FOXP2: variants seen among roughly 807,000 people sequenced by gnomAD.
The protein encoded by FOXP2 is forkhead box P2.
FOXP2 carries 12 observed loss-of-function variants against 115.8 expected under a neutral mutation model. That is an observed-to-expected ratio of 0.10 (90% CI 0.07 to 0.17). FOXP2 has a LOEUF of 0.17. FOXP2 is among the 10% of genes least tolerant of loss of function. The pLI is 1.00. For synonymous variants in FOXP2, 328 were observed against 297.7 expected (o/e 1.10, Z -1.05); for missense variants, 629 against 843.5 (o/e 0.75, Z 3.15).
At chr7:114,440,785 T>C (rs1794563474) in intron 2 of FOXP2, among the ~76,000 whole-genome samples, 3 of 152,172 alleles carry the variant, frequency 2.0e-5, no homozygotes, top group African/African-American at 7.2e-5. Context: ...TTGATCCTAC[T>C]GTACATCAGT....
intron 3 of FOXP2, among the ~76,000 whole-genome samples, chr7:114,609,162 G>A (rs1198744003): frequency 6.6e-6 from 1 of 151,424 alleles, no homozygotes; most frequent in Non-Finnish European, 1.5e-5. Flanking sequence ...ACAGTGAGCT[G>A]AGATTGCGCC....
chr7:114,552,961 G>A (rs1442292216), intron 3 of FOXP2, among the ~76,000 whole-genome samples: 1 of 151,976 alleles, frequency 6.6e-6, no homozygotes, highest in African/African-American at 2.4e-5. Context: ...GTAAGAGATT[G>A]CAATACATTT....
intron 2 of FOXP2, among the ~76,000 whole-genome samples, chr7:114,435,496 T>C (rs566279966): frequency 7.3e-4 from 111 of 152,230 alleles, no homozygotes; most frequent in African/African-American, 2.5e-3. Flanking sequence ...AGGCTAGATA[T>C]AGATCCTGGA....
At chr7:114,452,403 T>C (rs921928571) in intron 2 of FOXP2, among the ~76,000 whole-genome samples, 5 of 152,050 alleles carry the variant, frequency 3.3e-5, no homozygotes, top group Non-Finnish European at 7.4e-5. Context: ...TATTGTGTGT[T>C]CTGACTCCAG....
chr7:114,519,562 A>T (rs1186233555), intron 2 of FOXP2, among the ~76,000 whole-genome samples: 1 of 152,162 alleles, frequency 6.6e-6, no homozygotes, highest in Admixed American at 6.6e-5. Context: ...TGATCAGAGT[A>T]AGTACAGCTT....
intron 14 of FOXP2, 145 bp downstream of exon 14, chr7:114,662,331 G>T: frequency 9.0e-7 from 1 of 1,116,288 alleles, no homozygotes; most frequent in Non-Finnish European, 1.3e-6. Context: ...GAATCTAGGT[G>T]TAGGTGGCAT....
chr7:114,676,070 C>T (rs1441854527), intron 16 of FOXP2, among the ~76,000 whole-genome samples: 6 of 144,656 alleles, frequency 4.1e-5, no homozygotes, highest in Admixed American at 1.4e-4. Context: ...CCACCAGGCC[C>T]GGCTATTTTT....
intron 16 of FOXP2, among the ~76,000 whole-genome samples, chr7:114,683,746 C>T (rs1243289885): frequency 6.6e-6 from 1 of 152,042 alleles, no homozygotes. Context: ...GCCTGAGTCT[C>T]CATGAAAAAT....
At position 114,446,626 on chromosome 7, in the gene FOXP2, C is replaced by G. The variant is rs114379956; in HGVS notation, c.168+19947C>G. The stretch of plus-strand genomic sequence containing the variant: ...TAAGAGAATTTTAAAACCCACCTCC[C>G]ATTAAAAGATATGCCAGTAAACCCA... On this transcript the variant is annotated intron_variant, in intron 2 of 16. Coordinates refer to ENST00000350908, the MANE Select transcript of FOXP2 (RefSeq NM_014491.4). Among the ~76,000 whole-genome samples, 877 of 152,038 alleles carry G rather than the reference C, an allele frequency of 5.8e-3. 5 individuals carry two copies. Among genetic ancestry groups the G allele is most frequent in the African/African-American group, 0.02 (836 of 41,494 alleles).
chr7:114,341,291 C>T (rs531126467), intron 2 of FOXP2, among the ~76,000 whole-genome samples: 1 of 151,064 alleles, frequency 6.6e-6, no homozygotes, highest in Non-Finnish European at 1.5e-5. Context: ...TTTTCTAACT[C>T]AGTAAGACAT....
intron 1 of FOXP2, among the ~76,000 whole-genome samples, chr7:114,183,831 C>A (rs1160409570): frequency 2.0e-5 from 3 of 152,080 alleles, no homozygotes; most frequent in African/African-American, 7.2e-5. Flanking sequence ...CCCCCCAAAG[C>A]CTTATCTGGA....
chr7:114,161,936 C>G (rs184435241), upstream of FOXP2, among the ~76,000 whole-genome samples: 2 of 152,166 alleles, frequency 1.3e-5, no homozygotes, highest in East Asian at 3.9e-4. Context: ...GCGCATTTCA[C>G]CATGCCTGGC....
At chr7:114,349,010 A>G (rs571535557) in intron 2 of FOXP2, among the ~76,000 whole-genome samples, 51 of 152,218 alleles carry the variant, frequency 3.4e-4, no homozygotes, top group Non-Finnish European at 5.3e-4. Flanking sequence ...GACTTTTAAG[A>G]TTCTATTTTC....
chr7:114,309,847 T>C (rs958334283), intron 2 of FOXP2, among the ~76,000 whole-genome samples: 2 of 150,614 alleles, frequency 1.3e-5, no homozygotes, highest in Non-Finnish European at 3.0e-5. Flanking sequence ...TTTTTTTTTT[T>C]AGATATGGGG....
chr7:114,228,602 G>A (rs1166716157), intron 1 of FOXP2, among the ~76,000 whole-genome samples: 1 of 151,880 alleles, frequency 6.6e-6, no homozygotes, highest in Non-Finnish European at 1.5e-5. Flanking sequence ...GAAGAAAAGA[G>A]CTACTACCAC....
chr7:114,451,487 G>A (rs185999422), intron 2 of FOXP2, among the ~76,000 whole-genome samples: 212 of 152,038 alleles, frequency 1.4e-3, no homozygotes, highest in African/African-American at 4.6e-3. Context: ...ACTTCCTGGG[G>A]CACACACACT....
chr7:114,369,153 G>A (rs1780718259), intron 2 of FOXP2, among the ~76,000 whole-genome samples: 1 of 152,196 alleles, frequency 6.6e-6, no homozygotes, highest in Non-Finnish European at 1.5e-5. Flanking sequence ...ATAGCAATAA[G>A]TGTTATAAGA....
chr7:114,102,696 C>CCACATACACACA (rs1554414686), intron 1 of FOXP2, among the ~76,000 whole-genome samples: 2 of 136,388 alleles, frequency 1.5e-5, no homozygotes, highest in East Asian at 4.2e-4. Context: ...ACACCACACA[C>CCACATACACACA]CACACACACA....
intron 1 of FOXP2, among the ~76,000 whole-genome samples, chr7:114,154,731 G>A (rs1053062920): frequency 2.3e-4 from 35 of 152,060 alleles, no homozygotes; most frequent in Non-Finnish European, 1.8e-4. Context: ...AATACTATAT[G>A]TGTATATTTA....
Sources: gnomAD v4.1 joint callset for allele counts (sites outside exome capture counted in the v4.1 genomes callset) on GRCh38, gnomAD v4.1.1 for gene constraint, MANE v1.5 for transcripts, NCBI Gene and HGNC (gene_info 2026-07-23, HGNC 2026-07-21) for gene names.